IGFBP2: variants seen among roughly 807,000 people sequenced by gnomAD.
IGFBP2 encodes insulin like growth factor binding protein 2, also known as insulin-like growth factor-binding protein 2.
A neutral mutation model predicts 26.2 loss-of-function variants in IGFBP2; 12 were observed. That is an observed-to-expected ratio of 0.46 (90% CI 0.29 to 0.74). The LOEUF (loss-of-function observed/expected upper bound fraction) is 0.74. IGFBP2 is among the 30% of genes least tolerant of loss of function. IGFBP2 has a pLI of 0.09. For missense variants in IGFBP2, 328 were observed against 441.2 expected (o/e 0.74, Z 2.30); for synonymous variants, 189 against 200.6 (o/e 0.94, Z 0.49).
chr2:216,652,800 G>C (rs1376844762), intron 1 of IGFBP2, among the ~76,000 whole-genome samples: 1 of 152,224 alleles, frequency 6.6e-6, no homozygotes, highest in Non-Finnish European at 1.5e-5. Context: ...GAACCAGGAA[G>C]CTGCGGCCAG....
chr2:216,642,858 C>T (rs1206493779), intron 1 of IGFBP2, among the ~76,000 whole-genome samples: 2 of 152,142 alleles, frequency 1.3e-5, no homozygotes, highest in East Asian at 1.9e-4. Flanking sequence ...AAGACCTAGC[C>T]TTCTGGCTGT....
rs1697429526 is a variant in IGFBP2, at chr2:216,633,581, C to CTGCTGCCGT, written c.64_65insCGTTGCTGC (p.Pro19_Leu21dup). ...GCTGCCGCCGCCGCCGCTGCTGCCG[C>CTGCTGCCGT]TGCTGCTGCTGCTACTGGGCGCGAG... On this transcript the variant is annotated inframe_insertion, in exon 1 of 4. Coordinates refer to ENST00000233809, the MANE Select transcript of IGFBP2 (RefSeq NM_000597.3). The CTGCTGCCGT allele has an allele frequency of 2.0e-6, 2 of 1,016,620 alleles. No individual in the cohort carries two copies. The highest frequency in any genetic ancestry group is 8.6e-5 in the South Asian group (2 of 23,246). The allele number at this position is 1,016,620 out of a possible 1,614,324, so 63.0% of individuals were successfully genotyped here.
At chr2:216,661,341 C>A in intron 2 of IGFBP2, 1 of 277,300 alleles carries the variant, frequency 3.6e-6, no homozygotes, top group Non-Finnish European at 7.0e-6. Flanking sequence ...TGGACTCAAG[C>A]AATCCTCCCA....
At chr2:216,639,829 G>A (rs542202618) in intron 1 of IGFBP2, among the ~76,000 whole-genome samples, 2 of 152,106 alleles carry the variant, frequency 1.3e-5, no homozygotes, top group Non-Finnish European at 2.9e-5. Context: ...TTTTAGTAGA[G>A]ACAGGTTTTC....
At position 216,664,135 on chromosome 2, in the gene IGFBP2, C is replaced by T. The variant is rs1357688734; in HGVS notation, c.*31C>T. 18 of 1,503,890 alleles carry T rather than the reference C, an allele frequency of 1.2e-5. No homozygotes were observed. Among genetic ancestry groups the T allele is most frequent in the Non-Finnish European group, 1.6e-5 (18 of 1,119,176 alleles). 93.2% of individuals were successfully genotyped at this position (1,503,890 alleles called of 1,614,324 possible). On this transcript the variant is annotated 3_prime_UTR_variant, in exon 4 of 4. Transcript: ENST00000233809. This position sits in a 1 kb window ranked among gnomAD's most constrained non-coding sequence, Gnocchi z 4.6. ...AGCCAGCCGGTGCCTGGCGCCCCTG[C>T]CCCCCGCCCCTCTCCAAACACCGGC...
intron 1 of IGFBP2, among the ~76,000 whole-genome samples, chr2:216,648,528 C>G (rs1697759019): frequency 6.6e-6 from 1 of 152,186 alleles, no homozygotes; most frequent in African/African-American, 2.4e-5. Context: ...TCCAGTAGGG[C>G]TTCAGGGACA....
rs1698019663 is a variant in IGFBP2 at position 216,660,591 on chromosome 2, G to A, written c.477G>A (p.Val159=). Residue 159 remains valine (V), a synonymous_variant, in exon 2 of 4, where the codon GTG becomes GTA. Transcript: ENST00000233809. ...ATGACCACTCAGAAGGAGGCCTGGT[G>A]GAGAACCACGTGGACAGCACCATGA... The part of the protein sequence containing the change: ...NGDDHSEGGL[V]ENHVDSTMNM... 1.9e-6 allele frequency: 3 copies of A among 1,612,806 alleles called. No individual in the cohort carries two copies. Among genetic ancestry groups the A allele is most frequent in the Non-Finnish European group, 2.5e-6 (3 of 1,179,276 alleles).
intron 1 of IGFBP2, among the ~76,000 whole-genome samples, chr2:216,647,778 C>A (rs997993969): frequency 6.6e-6 from 1 of 152,180 alleles, no homozygotes; most frequent in Non-Finnish European, 1.5e-5. Context: ...CCTTGGCCTC[C>A]CAAAGTGCTG....
At chr2:216,644,934 A>G (rs928777203) in intron 1 of IGFBP2, among the ~76,000 whole-genome samples, 3 of 152,212 alleles carry the variant, frequency 2.0e-5, no homozygotes, top group Non-Finnish European at 4.4e-5. Flanking sequence ...GCAGTGAATT[A>G]TATACTGCTT....
intron 1 of IGFBP2, among the ~76,000 whole-genome samples, chr2:216,641,931 C>T (rs1433688201): frequency 6.6e-6 from 1 of 150,882 alleles, no homozygotes; most frequent in African/African-American, 2.4e-5. Context: ...ACCTCATGAT[C>T]CGCCTACCTC....
intron 1 of IGFBP2, 89 bp downstream of exon 1, chr2:216,634,054 G>C: frequency 3.4e-6 from 5 of 1,452,986 alleles, no homozygotes; most frequent in Non-Finnish European, 4.5e-6. Flanking sequence ...ACGGTTTTAG[G>C]GGCGGCAGAG....
At chr2:216,662,571 A>C (rs1274019433) in intron 3 of IGFBP2, 1 of 154,382 alleles carries the variant, frequency 6.5e-6, no homozygotes, top group East Asian at 1.9e-4. Flanking sequence ...GGAGAAAATG[A>C]AGTTTAAGTA....
chr2:216,646,815 C>T (rs768269144), intron 1 of IGFBP2, among the ~76,000 whole-genome samples: 1 of 152,196 alleles, frequency 6.6e-6, no homozygotes, highest in Non-Finnish European at 1.5e-5. Flanking sequence ...TGGGTCCCTC[C>T]TACAACATGT....
chr2:216,658,845 C>T (rs1357565322), intron 1 of IGFBP2, among the ~76,000 whole-genome samples: 1 of 152,212 alleles, frequency 6.6e-6, no homozygotes, highest in African/African-American at 2.4e-5. Context: ...AGCCACCACA[C>T]CCGGCCTAAG....
chr2:216,641,473 A>G (rs1045267216), intron 1 of IGFBP2, among the ~76,000 whole-genome samples: 3 of 152,216 alleles, frequency 2.0e-5, no homozygotes, highest in Admixed American at 1.3e-4. Context: ...CATTTTGGTG[A>G]TGAGTCACTT....
intron 1 of IGFBP2, among the ~76,000 whole-genome samples, chr2:216,643,850 G>A (rs1354072927): frequency 6.6e-6 from 1 of 152,160 alleles, no homozygotes; most frequent in African/African-American, 2.4e-5. Flanking sequence ...TAGGTCCAGA[G>A]AAATGTGTTG....
At chr2:216,648,531 C>T (rs1697759062) in intron 1 of IGFBP2, among the ~76,000 whole-genome samples, 1 of 152,168 alleles carries the variant, frequency 6.6e-6, no homozygotes, top group African/African-American at 2.4e-5. Context: ...AGTAGGGCTT[C>T]AGGGACACTT....
At chr2:216,639,311 C>T (rs552024243) in intron 1 of IGFBP2, among the ~76,000 whole-genome samples, 4 of 152,292 alleles carry the variant, frequency 2.6e-5, no homozygotes, top group South Asian at 4.1e-4. Context: ...GCTGGGATTA[C>T]AGGCATGAGC....
At chr2:216,638,969 G>A (rs1026835219) in intron 1 of IGFBP2, among the ~76,000 whole-genome samples, 2 of 150,860 alleles carry the variant, frequency 1.3e-5, no homozygotes, top group African/African-American at 2.4e-5. Flanking sequence ...CAAAGTGCTG[G>A]GGATTACAGG....
Sources: allele counts gnomAD v4.1 joint callset (sites outside exome capture counted in the v4.1 genomes callset), GRCh38; gene constraint gnomAD v4.1.1; non-coding constraint Gnocchi (gnomAD v3.1); transcripts MANE v1.5; gene names NCBI Gene and HGNC (gene_info 2026-07-23, HGNC 2026-07-21).